Variants in ADGRL3 observed in about 807,000 individuals in gnomAD.
The protein encoded by ADGRL3 is calcium-independent alpha-latrotoxin receptor 3.
A neutral mutation model predicts 153.5 loss-of-function variants in ADGRL3; 62 were observed. The observed-to-expected ratio is 0.40, with a 90% CI of 0.33 to 0.50. The LOEUF is 0.50. Among genes scored for constraint, ADGRL3 ranks in the 20% least tolerant of loss-of-function variants. The pLI, the probability that ADGRL3 is intolerant of heterozygous loss-of-function variation, is 0.47. For missense variants in ADGRL3, 1,641 were observed against 1,859.4 expected (o/e 0.88, Z 2.16); for synonymous variants, 710 against 672.5 (o/e 1.06, Z -0.86).
chr4:61,330,059 T>C (rs762993235), intron 1 of ADGRL3, among the ~76,000 whole-genome samples: 12 of 152,206 alleles, frequency 7.9e-5, no homozygotes, highest in Non-Finnish European at 1.6e-4. Context: ...GCATTGTGCA[T>C]ATGCTGGAAA....
At position 61,979,730 on chromosome 4, in the gene ADGRL3, A is replaced by G; in HGVS notation, c.2973A>G (p.Ala991=). The change falls in exon 18 of 27, where the codon GCA becomes GCG. Residue 991 remains alanine (A), a synonymous_variant. Coordinates refer to ENST00000683033, the MANE Select transcript of ADGRL3 (RefSeq NM_001387552.1). ...ACCTCTGCATCAGTCTCTTTGTAGC[A>G]GAGCTGCTCTTCCTGATTGGGATCA... The part of the protein sequence containing the change: ...HKNLCISLFV[A]ELLFLIGINR... 1.9e-6 allele frequency: 3 copies of G among 1,614,002 alleles called. No individual in the cohort carries two copies. Among genetic ancestry groups the G allele is most frequent in the Non-Finnish European group, 2.5e-6 (3 of 1,179,892 alleles).
At position 61,200,656 on chromosome 4, in the gene ADGRL3, G is replaced by A. The variant is rs1022099165; in HGVS notation, c.-1349G>A. Among the ~76,000 whole-genome samples, 2 of 151,596 alleles carry A rather than the reference G, an allele frequency of 1.3e-5. No individual in the cohort carries two copies. Among genetic ancestry groups the A allele is most frequent in the East Asian group, 3.9e-4 (2 of 5,120 alleles). ...GCCTTGGTCCTCTTCCTACGGGTGT[G>A]CGCGCGCGCGGGTTGCACGGTTTGC... On this transcript the variant is annotated 5_prime_UTR_variant, in exon 1 of 27. Transcript: ENST00000683033.
At chr4:62,003,399 A>G (rs2099147151) in intron 21 of ADGRL3, among the ~76,000 whole-genome samples, 1 of 152,054 alleles carries the variant, frequency 6.6e-6, no homozygotes, top group Non-Finnish European at 1.5e-5. Flanking sequence ...AATAATGGTC[A>G]AGGAGAGTAA....
chr4:61,495,339 A>G (rs2098301867), intron 2 of ADGRL3, among the ~76,000 whole-genome samples: 1 of 152,200 alleles, frequency 6.6e-6, no homozygotes, highest in Admixed American at 6.5e-5. Context: ...AATTTTGAAT[A>G]TCCCTTTTGA....
intron 8 of ADGRL3, among the ~76,000 whole-genome samples, chr4:61,805,231 C>T (rs933119073): frequency 2.6e-5 from 4 of 152,104 alleles, no homozygotes; most frequent in Admixed American, 6.5e-5. Context: ...CATGAGCCAC[C>T]GCGCCTGGCC....
intron 6 of ADGRL3, among the ~76,000 whole-genome samples, chr4:61,721,592 A>AACACCCTCACAGAC (rs1376085746): frequency 2.0e-5 from 3 of 152,186 alleles, no homozygotes; most frequent in Admixed American, 6.5e-5. Flanking sequence ...CTCCTTTGGT[A>AACACCCTCACAGAC]ACACCCTCAC....
At chr4:61,749,381 A>T (rs1473991528) in intron 8 of ADGRL3, among the ~76,000 whole-genome samples, 5 of 152,210 alleles carry the variant, frequency 3.3e-5, no homozygotes, top group African/African-American at 1.2e-4. Context: ...AAGGACTATA[A>T]ATCATGCTGC....
intron 9 of ADGRL3, among the ~76,000 whole-genome samples, chr4:61,858,442 G>A (rs2098303241): frequency 6.6e-6 from 1 of 152,088 alleles, no homozygotes; most frequent in Non-Finnish European, 1.5e-5. Flanking sequence ...CCAACATGGT[G>A]AAACCCCACC....
At chr4:61,368,587 T>C (rs2096456278) in intron 1 of ADGRL3, among the ~76,000 whole-genome samples, 1 of 151,726 alleles carries the variant, frequency 6.6e-6, no homozygotes, top group Non-Finnish European at 1.5e-5. Context: ...CATTGATCTA[T>C]ATCTCTGTTT....
chr4:61,288,806 C>A (rs2094048434), intron 1 of ADGRL3, among the ~76,000 whole-genome samples: 1 of 151,858 alleles, frequency 6.6e-6, no homozygotes, highest in Non-Finnish European at 1.5e-5. Flanking sequence ...GCATTGAGAT[C>A]CATTTCTCTG....
intron 9 of ADGRL3, among the ~76,000 whole-genome samples, chr4:61,847,594 ATATAATATATAATATAT>A: frequency 1.1e-4 from 9 of 85,658 alleles, no homozygotes; most frequent in Middle Eastern, 0.01. Context: ...GTGTATATAT[ATATAATATATAATATAT>A]TATATATATA....
intron 8 of ADGRL3, among the ~76,000 whole-genome samples, chr4:61,808,759 A>G (rs1398897954): frequency 2.1e-5 from 3 of 142,060 alleles, no homozygotes; most frequent in Admixed American, 1.4e-4. Context: ...TGTTTGTTTC[A>G]GCAGTAGAGA....
intron 2 of ADGRL3, among the ~76,000 whole-genome samples, chr4:61,439,060 A>C (rs1341109551): frequency 1.3e-5 from 2 of 152,130 alleles, no homozygotes; most frequent in African/African-American, 4.8e-5. Context: ...GAAACCCAGA[A>C]AAAAAAGATA....
chr4:61,545,910 AC>A (rs2098711832), intron 4 of ADGRL3, among the ~76,000 whole-genome samples: 1 of 152,126 alleles, frequency 6.6e-6, no homozygotes, highest in African/African-American at 2.4e-5. Flanking sequence ...CAAACAAAAA[AC>A]AAAAAAACTT....
chr4:61,863,878 A>G (rs1002274237), intron 9 of ADGRL3, among the ~76,000 whole-genome samples: 1 of 152,324 alleles, frequency 6.6e-6, no homozygotes, highest in Admixed American at 6.5e-5. Flanking sequence ...TTCAAAGGAT[A>G]TTTTAAGTAT....
chr4:61,370,693 A>G (rs2096504435), intron 1 of ADGRL3, among the ~76,000 whole-genome samples: 1 of 151,690 alleles, frequency 6.6e-6, no homozygotes. Context: ...GTGCTGAAAA[A>G]AATGTATATT....
chr4:62,006,848 G>T (rs1377928055), intron 21 of ADGRL3, among the ~76,000 whole-genome samples: 1 of 152,084 alleles, frequency 6.6e-6, no homozygotes, highest in African/African-American at 2.4e-5. Context: ...TCACTAAAAA[G>T]TATGTTTCTG....
At chr4:61,889,101 C>A (rs2098555263) in intron 9 of ADGRL3, among the ~76,000 whole-genome samples, 1 of 152,144 alleles carries the variant, frequency 6.6e-6, no homozygotes, top group African/African-American at 2.4e-5. Context: ...TGTTCACCTA[C>A]CTTTACTGAG....
At chr4:62,044,323 TGTA>T (rs1729958230) in intron 24 of ADGRL3, 127 bp from the exon 25 acceptor site, 1 of 651,420 alleles carries the variant, frequency 1.5e-6, no homozygotes, top group South Asian at 1.9e-5. Flanking sequence ...ACTGCAAACA[TGTA>T]GTTGTCTATT....
Sources: allele counts gnomAD v4.1 joint callset (sites outside exome capture counted in the v4.1 genomes callset), GRCh38; gene constraint gnomAD v4.1.1; transcripts MANE v1.5; gene names NCBI Gene and HGNC (gene_info 2026-07-23, HGNC 2026-07-21).